Variants in SPATA18 observed in about 807,000 individuals in gnomAD.
SPATA18 encodes the protein spermatogenesis associated 18.
A neutral mutation model predicts 68.1 loss-of-function variants in SPATA18; 54 were observed. That is an observed-to-expected ratio of 0.79 (90% confidence interval 0.64 to 0.99). The LOEUF (loss-of-function observed/expected upper bound fraction) is 0.99, where lower values mean the gene tolerates loss of function less well. Ranked by LOEUF, SPATA18 falls within the 50% of genes least tolerant of loss-of-function variation. The pLI is 0.00. For synonymous variants in SPATA18, 242 were observed against 244.8 expected (o/e 0.99, Z 0.11); for missense variants, 724 against 681.1 (o/e 1.06, Z -0.70).
At chr4:52,082,261 C>T in intron 9 of SPATA18, 126 bp from the exon 10 acceptor site, 1 of 877,948 alleles carries the variant, frequency 1.1e-6, no homozygotes, top group Non-Finnish European at 1.8e-6. Flanking sequence ...TCTTAAATAA[C>T]AGAATTTGAC....
At chr4:52,080,787 G>T (rs1740851868) in intron 9 of SPATA18, among the ~76,000 whole-genome samples, 1 of 152,180 alleles carries the variant, frequency 6.6e-6, no homozygotes, top group Non-Finnish European at 1.5e-5. Context: ...TTCAGACAAG[G>T]CACTTAGGAT....
At chr4:52,060,680 T>G (rs1260002400) in intron 2 of SPATA18, 102 bp from the exon 3 acceptor site, 2 of 1,190,430 alleles carry the variant, frequency 1.7e-6, no homozygotes, top group Admixed American at 4.2e-5. Context: ...AATTATACTT[T>G]AAGTTTTAGG....
At chr4:52,061,682 A>T (rs779576213) in intron 3 of SPATA18, among the ~76,000 whole-genome samples, 1 of 152,012 alleles carries the variant, frequency 6.6e-6, no homozygotes. Flanking sequence ...TGCTGAATGG[A>T]GACAATGGTT....
chr4:52,091,526 C>A (rs1408744731), intron 11 of SPATA18, among the ~76,000 whole-genome samples: 1 of 152,186 alleles, frequency 6.6e-6, no homozygotes, highest in Non-Finnish European at 1.5e-5. Context: ...AACAGTCAGG[C>A]CCCTCTGCTG....
rs1268583152 is a variant in SPATA18, at chr4:52,085,039, A to T, written c.1563+40A>T. ...AATCATTTTTACACAAAATTCATCT[A>T]TGGTTGGCTTTTTTTTTTTTTTGCT... On this transcript the variant is annotated intron_variant, in intron 11 of 12. Coordinates refer to ENST00000295213, the MANE Select transcript of SPATA18 (RefSeq NM_145263.4). 9 of 1,409,980 alleles carry T rather than the reference A, an allele frequency of 6.4e-6. No homozygotes were observed. In the Admixed American group the frequency reaches 9.7e-5, roughly 15 times the overall value. The allele number at this position is 1,409,980 out of a possible 1,614,324, so 87.3% of individuals were successfully genotyped here.
At chr4:52,091,971 A>G (rs1270631077) in intron 11 of SPATA18, among the ~76,000 whole-genome samples, 1 of 152,118 alleles carries the variant, frequency 6.6e-6, no homozygotes, top group Non-Finnish European at 1.5e-5. Flanking sequence ...GCTCCACCCA[A>G]TTTGAACTTC....
At chr4:52,088,808 G>A (rs1314398058) in intron 11 of SPATA18, among the ~76,000 whole-genome samples, 1 of 152,166 alleles carries the variant, frequency 6.6e-6, no homozygotes, top group Non-Finnish European at 1.5e-5. Context: ...AAATGAGTTA[G>A]GGAGGATTCC....
intron 4 of SPATA18, among the ~76,000 whole-genome samples, chr4:52,066,255 A>T: frequency 6.6e-6 from 1 of 152,048 alleles, no homozygotes; most frequent in Non-Finnish European, 1.5e-5. Flanking sequence ...GGTTCATGCC[A>T]TTCTCCTGCC....
intron 10 of SPATA18, chr4:52,083,304 A>C: frequency 5.1e-6 from 5 of 985,390 alleles, no homozygotes; most frequent in Non-Finnish European, 6.0e-6. Context: ...GTTCTCCTTG[A>C]ACTGAAGAAT....
At chr4:52,063,541 AT>A in intron 4 of SPATA18, among the ~76,000 whole-genome samples, 1 of 152,208 alleles carries the variant, frequency 6.6e-6, no homozygotes, top group Non-Finnish European at 1.5e-5. Flanking sequence ...ATGTGAGCTC[AT>A]TTTGAAGGAT....
chr4:52,085,347 TC>T (rs931406711), intron 11 of SPATA18, among the ~76,000 whole-genome samples: 1 of 152,212 alleles, frequency 6.6e-6, no homozygotes, highest in Non-Finnish European at 1.5e-5. Context: ...AGTCCCTGGT[TC>T]CTCTAGAAAT....
At chr4:52,092,102 C>T (rs1429467510) in intron 11 of SPATA18, among the ~76,000 whole-genome samples, 3 of 152,200 alleles carry the variant, frequency 2.0e-5, no homozygotes, top group Admixed American at 1.3e-4. Flanking sequence ...GCTGTGCTGG[C>T]AGTGAGAATT....
intron 1 of SPATA18, among the ~76,000 whole-genome samples, chr4:52,053,022 A>G (rs1281319246): frequency 2.6e-5 from 4 of 152,234 alleles, no homozygotes; most frequent in Non-Finnish European, 5.9e-5. Flanking sequence ...GTTCCCCCCA[A>G]CTAATTTTAA....
At chr4:52,077,763 A>G (rs1740525343) in intron 7 of SPATA18, among the ~76,000 whole-genome samples, 1 of 152,162 alleles carries the variant, frequency 6.6e-6, no homozygotes, top group Non-Finnish European at 1.5e-5. Flanking sequence ...AAGAGTAGTT[A>G]TTAAAACTGC....
At chr4:52,061,764 A>T (rs1327162262) in intron 3 of SPATA18, among the ~76,000 whole-genome samples, 1 of 152,172 alleles carries the variant, frequency 6.6e-6, no homozygotes, top group Non-Finnish European at 1.5e-5. Flanking sequence ...ACAGGGCCTG[A>T]CACATGTTAA....
intron 1 of SPATA18, among the ~76,000 whole-genome samples, chr4:52,058,836 C>T (rs969932443): frequency 1.3e-5 from 2 of 152,178 alleles, no homozygotes; most frequent in Admixed American, 6.5e-5. Context: ...AATTTACTAG[C>T]TGGGTAGCCA....
chr4:52,082,365 T>C (rs746576454), intron 9 of SPATA18, 22 bp from the exon 10 acceptor site: 1 of 1,605,670 alleles, frequency 6.2e-7, no homozygotes, highest in Non-Finnish European at 8.5e-7. Flanking sequence ...CTTCTCTTTC[T>C]TTTTTTGTAT....
At chr4:52,058,080 G>T (rs1015468129) in intron 1 of SPATA18, among the ~76,000 whole-genome samples, 30 of 152,210 alleles carry the variant, frequency 2.0e-4, no homozygotes, top group African/African-American at 7.0e-4. Flanking sequence ...ATAAGTGCAG[G>T]TATAAAATGG....
At chr4:52,065,741 T>TACAATGGGCCA (rs1739253911) in intron 4 of SPATA18, among the ~76,000 whole-genome samples, 1 of 152,204 alleles carries the variant, frequency 6.6e-6, no homozygotes, top group Non-Finnish European at 1.5e-5. Context: ...CCAAGGAGGT[T>TACAATGGGCCA]CCCTATGTCT....
Sources: gnomAD v4.1 joint callset for allele counts (sites outside exome capture counted in the v4.1 genomes callset) on GRCh38, gnomAD v4.1.1 for gene constraint, MANE v1.5 for transcripts, NCBI Gene and HGNC (gene_info 2026-07-23, HGNC 2026-07-21) for gene names.